DNAH10: variants seen among roughly 807,000 people sequenced by gnomAD.
DNAH10 encodes dynein axonemal heavy chain 10.
A neutral mutation model predicts 506.6 loss-of-function variants in DNAH10; 348 were observed. The observed-to-expected ratio is 0.69, with a 90% CI of 0.63 to 0.75. DNAH10 has a LOEUF of 0.75. Among genes scored for constraint, DNAH10 ranks in the 30% least tolerant of loss-of-function variants. The pLI is 0.00. For missense variants in DNAH10, 5,179 were observed against 5,787.1 expected (o/e 0.89, Z 3.41); for synonymous variants, 2,059 against 2,198.6 (o/e 0.94, Z 1.78).
chr12:123,930,318 T>C (rs1955145539), intron 72 of DNAH10, 84 bp from the exon 73 acceptor site: 1 of 1,347,604 alleles, frequency 7.4e-7, no homozygotes, highest in South Asian at 1.8e-5. Flanking sequence ...CTCTTGACCC[T>C]GGGTGAGCCT....
chr12:123,835,561 G>T (rs1203114354), intron 28 of DNAH10, 33 bp downstream of exon 28: 4 of 1,593,374 alleles, frequency 2.5e-6, no homozygotes, highest in Non-Finnish European at 2.6e-6. Flanking sequence ...AGTAATGAAA[G>T]AAGGGCAGCG....
At chr12:123,915,356 A>G (rs1594372892) in intron 62 of DNAH10, among the ~76,000 whole-genome samples, 1 of 152,170 alleles carries the variant, frequency 6.6e-6, no homozygotes, top group African/African-American at 2.4e-5. Context: ...TAATGGCTTG[A>G]TTGAGATGTA....
intron 18 of DNAH10, among the ~76,000 whole-genome samples, chr12:123,806,393 C>G (rs1178259694): frequency 6.6e-6 from 1 of 152,150 alleles, no homozygotes; most frequent in African/African-American, 2.4e-5. Flanking sequence ...GACCACACAG[C>G]CAGTAAGAGA....
At chr12:123,849,849 A>G (rs528137115) in intron 34 of DNAH10, among the ~76,000 whole-genome samples, 10 of 152,310 alleles carry the variant, frequency 6.6e-5, no homozygotes, top group Middle Eastern at 6.8e-3. Context: ...AGACTGTTCA[A>G]TATTTTCAGG....
intron 70 of DNAH10, 193 bp from the exon 71 acceptor site, chr12:123,929,082 T>C: frequency 1.6e-6 from 1 of 626,662 alleles, no homozygotes; most frequent in Non-Finnish European, 2.8e-6. Context: ...TCTTGACCCT[T>C]GACCCTGAGA....
chr12:123,929,240 G>A lies in DNAH10; in HGVS notation c.12307-35G>A, dbSNP rs989344828. ...ACTCTTCCAAGCTTGTGGGCCTGCG[G>A]TCTCCATCACTGTGTGTTTTCTTCT... On this transcript the variant is annotated intron_variant, in intron 70 of 78. Coordinates refer to ENST00000673944, the MANE Select transcript of DNAH10 (RefSeq NM_001372106.1). The A allele has an allele frequency of 5.8e-6, 9 of 1,555,454 alleles. No homozygotes were observed. The East Asian group carries it at 7.2e-5, about 12-fold the overall frequency.
chr12:123,858,109 T>G (rs1260234143), intron 37 of DNAH10, among the ~76,000 whole-genome samples: 1 of 152,216 alleles, frequency 6.6e-6, no homozygotes, highest in Non-Finnish European at 1.5e-5. Flanking sequence ...ACTCAAATAT[T>G]TTGTTTTGAG....
intron 24 of DNAH10, among the ~76,000 whole-genome samples, chr12:123,826,221 C>T (rs1959977789): frequency 6.6e-6 from 1 of 152,148 alleles, no homozygotes; most frequent in Non-Finnish European, 1.5e-5. Context: ...TGTTTTTCCT[C>T]ACTTCTTAGC....
chr12:123,866,789 T>C (rs544894392), intron 41 of DNAH10, among the ~76,000 whole-genome samples: 2 of 152,328 alleles, frequency 1.3e-5, no homozygotes, highest in South Asian at 4.1e-4. Context: ...ACAAAACAGA[T>C]GACAGGCCAG....
In DNAH10 at chr12:123,830,912, C is replaced by T. The variant is rs147924817; in HGVS notation, c.4545+213C>T. ...GAACTGTGATCGCACCATGGCACTC[C>T]AGCCTGGGTGACAGGGTGAGACCTT... On this transcript the variant is annotated intron_variant, in intron 26 of 78. Transcript: ENST00000673944. 4.0e-3 allele frequency among the ~76,000 whole-genome samples: 611 copies of T among 152,174 alleles called. 16 individuals are homozygous for T. Among genetic ancestry groups the T allele is most frequent in the Admixed American group, 0.034 (514 of 15,290 alleles).
Position 123,909,487 on chromosome 12 carries a change from T to C in DNAH10, c.9997+45T>C. 1 of 1,495,490 alleles carries C rather than the reference T, an allele frequency of 6.7e-7. No homozygotes were observed. The highest frequency in any genetic ancestry group is 2.5e-5 in the East Asian group (1 of 40,722). The allele number at this position is 1,495,490 out of a possible 1,614,324, so 92.6% of individuals were successfully genotyped here. A position where few individuals can be genotyped will look rare whatever the true frequency, so the allele number is the denominator to read the frequency against. On this transcript the variant is annotated intron_variant, in intron 58 of 78. Coordinates refer to ENST00000673944, the MANE Select transcript of DNAH10 (RefSeq NM_001372106.1). This position sits in a 1 kb window ranked among gnomAD's most constrained non-coding sequence, Gnocchi z 5.4. ...GGAATCGCCAGGGTGGATCTCGGTC[T>C]GGCATCTCAGGCTCTGGGACAGGGA...
At chr12:123,806,387 A>T (rs1594073183) in intron 18 of DNAH10, among the ~76,000 whole-genome samples, 2 of 152,210 alleles carry the variant, frequency 1.3e-5, no homozygotes, top group African/African-American at 2.4e-5. Context: ...GTCCGGGACC[A>T]CACAGCCAGT....
intron 51 of DNAH10, 149 bp from the exon 52 acceptor site, chr12:123,886,993 C>A: frequency 2.2e-6 from 2 of 919,238 alleles, no homozygotes; most frequent in Non-Finnish European, 3.1e-6. Flanking sequence ...GACAGGGAGT[C>A]CCTTCCAGAC....
intron 40 of DNAH10, 94 bp from the exon 41 acceptor site, chr12:123,865,857 C>A: frequency 8.0e-7 from 1 of 1,256,870 alleles, no homozygotes; most frequent in Non-Finnish European, 1.1e-6. Context: ...GGATTTCATG[C>A]AGTTGTAAAA....
At chr12:123,835,552 G>C in intron 28 of DNAH10, 24 bp downstream of exon 28, 1 of 1,600,066 alleles carries the variant, frequency 6.2e-7, no homozygotes, top group Non-Finnish European at 8.5e-7. Context: ...TTCTATTTTA[G>C]TAATGAAAGA....
At chr12:123,803,132 G>T (rs1329517616) in intron 16 of DNAH10, among the ~76,000 whole-genome samples, 1 of 152,108 alleles carries the variant, frequency 6.6e-6, no homozygotes, top group Non-Finnish European at 1.5e-5. Context: ...TTGCTGTCAA[G>T]TCGAAGAATC....
At chr12:123,804,268 A>G (rs113929291) in intron 17 of DNAH10, among the ~76,000 whole-genome samples, 14,986 of 152,060 alleles carry the variant, frequency 0.099, 1,367 homozygotes, top group African/African-American at 0.25. Flanking sequence ...GCTCACGCCT[A>G]TAATCCCAGC....
chr12:123,857,651 G>A (rs1951449325), intron 37 of DNAH10, among the ~76,000 whole-genome samples: 1 of 152,158 alleles, frequency 6.6e-6, no homozygotes, highest in South Asian at 2.1e-4. Flanking sequence ...TTGCTGGAAC[G>A]CGCGAGGTGG....
intron 5 of DNAH10, among the ~76,000 whole-genome samples, chr12:123,776,059 G>T (rs1250153347): frequency 6.6e-6 from 1 of 152,114 alleles, no homozygotes; most frequent in Non-Finnish European, 1.5e-5. Context: ...GAGAACAGTG[G>T]CATGGGGGTA....
Sources: gnomAD v4.1 joint callset for allele counts (sites outside exome capture counted in the v4.1 genomes callset) on GRCh38, gnomAD v4.1.1 for gene constraint, Gnocchi (gnomAD v3.1) non-coding constraint, MANE v1.5 for transcripts, NCBI Gene and HGNC (gene_info 2026-07-23, HGNC 2026-07-21) for gene names.